Variants in CEP250 observed in about 807,000 individuals in gnomAD.
CEP250 encodes centrosomal protein 250.
A neutral mutation model predicts 315.7 loss-of-function variants in CEP250; 242 were observed. The observed-to-expected ratio is 0.77, with a 90% CI of 0.69 to 0.85. CEP250 has a LOEUF of 0.85. Among genes scored for constraint, CEP250 ranks in the 40% least tolerant of loss-of-function variants. The pLI is 0.00. For missense variants in CEP250, 2,515 were observed against 2,886.4 expected (o/e 0.87, Z 2.95); for synonymous variants, 1,088 against 1,175.0 (o/e 0.93, Z 1.51).
chr20:35,503,528 AGC>A lies in CEP250; in HGVS notation c.5163_5164del (p.Gly1722GlufsTer11). 1 of 1,614,096 alleles carries A rather than the reference AGC, an allele frequency of 6.2e-7. No homozygotes were observed. ...GAAGGGAAGGGCCCAAGTAAAGCAC[AGC>A]GCGGGAGCCTAGAGCACATGAAGCT... is the stretch of plus-strand genomic sequence containing the variant. On this transcript the variant is annotated frameshift_variant, in exon 30 of 35. Transcript: ENST00000397527. LOFTEE classifies it high-confidence loss of function. This position sits in a 1 kb window ranked among gnomAD's most constrained non-coding sequence, Gnocchi z 4.2.
intron 22 of CEP250, among the ~76,000 whole-genome samples, chr20:35,491,858 C>T (rs924015263): frequency 4.9e-5 from 7 of 141,632 alleles, no homozygotes; most frequent in Non-Finnish European, 9.0e-5. Context: ...GCCGAGGTCA[C>T]GCCACTGCAT....
rs2064102345 is a variant in CEP250, at chr20:35,503,986, G to A, written c.5617G>A (p.Glu1873Lys). Residue 1873 changes from glutamate to lysine, a missense_variant, in exon 30 of 35, where the codon GAA becomes AAA. Transcript: ENST00000397527. The surrounding 1 kb of genome is among the most constrained non-coding windows in gnomAD (Gnocchi z 4.2). ...DHKEQARRLE[E>K]ELAVEGRRVQ... is the part of the protein sequence containing the mutation. ...CAAGGAACAGGCACGAAGGCTGGAG[G>A]AAGAGCTGGCAGTGGAGGGACGGCG... 2 of 1,610,330 alleles carry A rather than the reference G, an allele frequency of 1.2e-6. No individual in the cohort carries two copies. Among genetic ancestry groups the A allele is most frequent in the Non-Finnish European group, 1.7e-6 (2 of 1,177,764 alleles).
chr20:35,496,788 C>A, intron 25 of CEP250, 73 bp downstream of exon 25: 1 of 1,516,778 alleles, frequency 6.6e-7, no homozygotes, highest in South Asian at 1.2e-5. Context: ...ATTGATTGCT[C>A]TGAGTCCTCT....
At chr20:35,501,796 C>A in intron 28 of CEP250, 49 bp from the exon 29 acceptor site, 1 of 1,537,740 alleles carries the variant, frequency 6.5e-7, no homozygotes, top group African/African-American at 1.4e-5. Context: ...ATATCCCAAA[C>A]ATGGGTCTTA....
intron 30 of CEP250, among the ~76,000 whole-genome samples, chr20:35,505,514 A>G (rs1314084777): frequency 1.3e-5 from 2 of 152,114 alleles, no homozygotes; most frequent in Non-Finnish European, 1.5e-5. Context: ...TTAGCCAGGT[A>G]TGCTGGCATG....
Position 35,477,878 on chromosome 20 carries a change from A to G in CEP250, c.1871A>G (p.Glu624Gly). Residue 624 changes from glutamate to glycine, a missense_variant, in exon 17 of 35, where the codon GAG becomes GGG. By Grantham distance (98) the Glu-to-Gly change is moderately conservative (BLOSUM62 -2). Coordinates refer to ENST00000397527, the MANE Select transcript of CEP250 (RefSeq NM_007186.6). ...TCCCTTTTTGGCCAGTAGTTAGAGG[A>G]GGAGAACCAGTCTGTGTGCAGCAGA... Reference protein sequence around the residue: ...GLNQQLLQLEEENQSVCSRME... With the variant: ...GLNQQLLQLEGENQSVCSRME... The G allele has an allele frequency of 2.5e-6, 4 of 1,581,398 alleles. No individual in the cohort carries two copies. The highest frequency in any genetic ancestry group is 1.7e-6 in the Non-Finnish European group (2 of 1,163,460).
In CEP250 at chr20:35,475,645, G is replaced by A. The variant is rs1260365727; in HGVS notation, c.1715G>A (p.Arg572Lys). 1.9e-6 allele frequency: 3 copies of A among 1,613,214 alleles called. No homozygotes were observed. The highest frequency in any genetic ancestry group is 1.7e-5 in the Admixed American group (1 of 59,988). ...EQTEVTAALARAEQSIAELSS... is the reference protein window; with the variant it reads ...EQTEVTAALAKAEQSIAELSS... ...ACGGAAGTGACCGCAGCGCTGGCTAGGGTGCGTGGCCTCCTCTCCTCACTT... is the reference window on the plus strand; with the variant it reads ...ACGGAAGTGACCGCAGCGCTGGCTAAGGTGCGTGGCCTCCTCTCCTCACTT... Residue 572 changes from arginine (R) to lysine (K), a missense_variant and splice_region_variant, in exon 15 of 35, where the codon AGG (arginine) becomes AAG (lysine). Arg to Lys is a conservative substitution (Grantham distance 26). Coordinates refer to ENST00000397527, the MANE Select transcript of CEP250 (RefSeq NM_007186.6).
intron 29 of CEP250, 103 bp downstream of exon 29, chr20:35,502,069 A>G: frequency 7.4e-7 from 1 of 1,356,806 alleles, no homozygotes; most frequent in South Asian, 1.4e-5. Context: ...CAAGTCTGTC[A>G]GTTCCTCTGG....
Position 35,508,892 on chromosome 20 carries a change from T to C in CEP250, c.6907-51T>C, listed in dbSNP as rs757049334. The C allele has an allele frequency of 2.7e-6, 4 of 1,467,538 alleles. No individual in the cohort carries two copies. The South Asian group carries it at 3.6e-5, about 13-fold the overall frequency. The allele number at this position is 1,467,538 out of a possible 1,614,324, so 90.9% of individuals were successfully genotyped here. Reference sequence around the variant, plus strand: ...CACCTCTGGAGAAAGGCAGCTCTGCTCCAACCACAGAGCCAAGCCGAGCCC... The same window carrying C: ...CACCTCTGGAGAAAGGCAGCTCTGCCCCAACCACAGAGCCAAGCCGAGCCC... On this transcript the variant is annotated intron_variant, in intron 32 of 34. Coordinates refer to ENST00000397527, the MANE Select transcript of CEP250 (RefSeq NM_007186.6).
At chr20:35,470,305 T>C (rs1199433638) in intron 10 of CEP250, among the ~76,000 whole-genome samples, 2 of 152,180 alleles carry the variant, frequency 1.3e-5, no homozygotes, top group Non-Finnish European at 2.9e-5. Context: ...GAAGCGGATA[T>C]GTGGAGAGAT....
At chr20:35,482,628 C>T (rs1228154668) in intron 20 of CEP250, among the ~76,000 whole-genome samples, 4 of 151,822 alleles carry the variant, frequency 2.6e-5, no homozygotes, top group African/African-American at 4.8e-5. Flanking sequence ...GGTGCAATCT[C>T]GGCTCACTGT....
Position 35,465,843 on chromosome 20 carries a change from T to C in CEP250, c.326+18T>C, listed in dbSNP as rs757805421. ...CAACAGAGGTGATGGACCCCAAACT[T>C]TCTGACCTGGGTGATTGGCCAGTTG... On this transcript the variant is annotated intron_variant, in intron 6 of 34. Coordinates refer to ENST00000397527, the MANE Select transcript of CEP250 (RefSeq NM_007186.6). 1.9e-6 allele frequency: 3 copies of C among 1,595,926 alleles called. No homozygotes were observed. Among genetic ancestry groups the C allele is most frequent in the Non-Finnish European group, 2.6e-6 (3 of 1,171,824 alleles).
At chr20:35,490,599 C>T in intron 20 of CEP250, 38 bp from the exon 21 acceptor site, 1 of 1,586,856 alleles carries the variant, frequency 6.3e-7, no homozygotes, top group Admixed American at 1.8e-5. Flanking sequence ...CCCCTCCTCA[C>T]CCATTTGGTT....
In CEP250 at chr20:35,506,859, TC is replaced by T. The variant is rs529920849; in HGVS notation, c.6637-877del. On this transcript the variant is annotated intron_variant, in intron 30 of 34. Coordinates refer to ENST00000397527, the MANE Select transcript of CEP250 (RefSeq NM_007186.6). Reference sequence around the variant, plus strand: ...AAGAAAGCACTAAGTGGACCTCCTTTCCTATGTTCAGGCCCATTCTTACAGG... The same window carrying T: ...AAGAAAGCACTAAGTGGACCTCCTTTCTATGTTCAGGCCCATTCTTACAGG... Among the ~76,000 whole-genome samples, 446 of 152,274 alleles carry T rather than the reference TC, an allele frequency of 2.9e-3. 1 individual carries two copies. Among genetic ancestry groups the T allele is most frequent in the African/African-American group, 9.9e-3 (413 of 41,546 alleles).
At chr20:35,491,955 C>T (rs1470889269) in intron 22 of CEP250, among the ~76,000 whole-genome samples, 5 of 151,262 alleles carry the variant, frequency 3.3e-5, no homozygotes, top group African/African-American at 7.3e-5. Context: ...GACATTGCCC[C>T]TGCTCTCAAG....
Position 35,497,867 on chromosome 20 carries a change from T to C in CEP250, c.3455T>C (p.Leu1152Pro), listed in dbSNP as rs545263450. ...GCCCAGGAAGCCAAGGCAGCCCAAC[T>C]ACAGCTGCGACTGCGCAGCACAGAG... ...LWAQEAKAAQ[L>P]QLRLRSTESQ... Residue 1152 changes from leucine (L) to proline (P), a missense_variant, in exon 26 of 35, where the codon CTA becomes CCA. Leu to Pro is a moderately conservative substitution (Grantham distance 98). Transcript: ENST00000397527. 1 of 1,595,836 alleles carries C rather than the reference T, an allele frequency of 6.3e-7. No homozygotes were observed. The highest frequency in any genetic ancestry group is 1.1e-5 in the South Asian group (1 of 88,558).
rs1458468558 is a variant in CEP250 at position 35,496,607 on chromosome 20, G to A, written c.3198G>A (p.Gln1066=). ...SLTLSLMEKE[Q]RLLVLQEADS... is the part of the protein sequence containing the mutation. ...CTCTCTCACTGATGGAAAAGGAACA[G>A]AGACTCCTTGTTTTACAAGAAGCTG... Residue 1066 remains glutamine, a synonymous_variant, in exon 25 of 35, where the codon CAG becomes CAA. Coordinates refer to ENST00000397527, the MANE Select transcript of CEP250 (RefSeq NM_007186.6). 6.2e-7 allele frequency: 1 copy of A among 1,614,074 alleles called. No homozygotes were observed. Among genetic ancestry groups the A allele is most frequent in the Non-Finnish European group, 8.5e-7 (1 of 1,179,984 alleles).
chr20:35,514,029 G>A lies in CEP250; in HGVS notation c.*2403G>A, dbSNP rs1035111701. ...TAAAGTACACTTTCCTTGCCCAGTA[G>A]CAGGATTGCCTCTGTGGAGTGTCCC... On this transcript the variant is annotated 3_prime_UTR_variant, in exon 35 of 35. Transcript: ENST00000397527. The A allele has an allele frequency of 3.3e-5, 5 of 152,324 alleles. No individual in the cohort carries two copies. The highest frequency in any genetic ancestry group is 1.9e-4 in the East Asian group (1 of 5,196). The allele number at this position is 152,324 out of a possible 1,614,324, so 9.4% of individuals were successfully genotyped here.
intron 22 of CEP250, among the ~76,000 whole-genome samples, chr20:35,493,140 T>C (rs927728861): frequency 1.3e-5 from 2 of 151,760 alleles, no homozygotes; most frequent in African/African-American, 2.4e-5. Flanking sequence ...TAGAGAATAG[T>C]GTGTGTGTGT....
Sources: gnomAD v4.1 joint callset for allele counts (sites outside exome capture counted in the v4.1 genomes callset) on GRCh38, gnomAD v4.1.1 for gene constraint, Gnocchi (gnomAD v3.1) non-coding constraint, MANE v1.5 for transcripts, NCBI Gene and HGNC (gene_info 2026-07-23, HGNC 2026-07-21) for gene names.